GRM7: variants seen among roughly 807,000 people sequenced by gnomAD.
The protein encoded by GRM7 is metabotropic glutamate receptor 7.
In GRM7, 35 loss-of-function variants were observed where a neutral mutation model predicts 84.5. The ratio of observed to expected loss-of-function variants is 0.41; its 90% CI spans 0.32 to 0.55. GRM7 has a LOEUF of 0.55. Ranked by LOEUF, GRM7 falls within the 20% of genes least tolerant of loss-of-function variation. The pLI is 0.19. For synonymous variants in GRM7, 487 were observed against 455.1 expected (o/e 1.07, Z -0.89); for missense variants, 1,003 against 1,194.6 (o/e 0.84, Z 2.36).
chr3:6,885,358 G>A (rs1695651216), intron 1 of GRM7, among the ~76,000 whole-genome samples: 1 of 152,320 alleles, frequency 6.6e-6, no homozygotes, highest in Non-Finnish European at 1.5e-5. Flanking sequence ...AAATTAAGGG[G>A]CAACTTATGC....
chr3:7,279,788 T>C (rs1255125673), intron 2 of GRM7, among the ~76,000 whole-genome samples: 1 of 152,204 alleles, frequency 6.6e-6, no homozygotes, highest in Admixed American at 6.5e-5. Context: ...GTGGGCATGG[T>C]CTGTGTTTAT....
intron 7 of GRM7, among the ~76,000 whole-genome samples, chr3:7,478,505 C>T (rs914158829): frequency 3.3e-5 from 5 of 152,184 alleles, no homozygotes; most frequent in Non-Finnish European, 7.3e-5. Context: ...TTTGCTAGTC[C>T]TCTTTCTTTT....
At chr3:7,651,410 G>A (rs1032653319) in intron 8 of GRM7, among the ~76,000 whole-genome samples, 2 of 152,212 alleles carry the variant, frequency 1.3e-5, no homozygotes, top group Admixed American at 1.3e-4. Flanking sequence ...GCAGAGATGT[G>A]AGAATAAGAT....
intron 1 of GRM7, among the ~76,000 whole-genome samples, chr3:7,097,811 C>T (rs774847797): frequency 8.6e-5 from 13 of 152,044 alleles, no homozygotes; most frequent in Non-Finnish European, 1.5e-4. Flanking sequence ...ATTTGACATT[C>T]GAAGCCATGC....
chr3:7,680,314 C>A lies in GRM7; in HGVS notation c.2698+19C>A. ...CCAAACAGTAAGTAACTCTCCGTTT[C>A]TTTCATCTTCCCACCCTGCATCAGG... On this transcript the variant is annotated intron_variant, in intron 9 of 9. Transcript: ENST00000357716. 6.2e-7 allele frequency: 1 copy of A among 1,612,384 alleles called. No individual in the cohort carries two copies. The highest frequency in any genetic ancestry group is 1.1e-5 in the South Asian group (1 of 90,992).
intron 2 of GRM7, among the ~76,000 whole-genome samples, chr3:7,201,783 A>G (rs1479717413): frequency 2.6e-5 from 4 of 152,210 alleles, no homozygotes; most frequent in African/African-American, 4.8e-5. Flanking sequence ...GTCTGATTTG[A>G]TAAACAGTTG....
chr3:7,668,931 A>C (rs1479847746), intron 8 of GRM7, among the ~76,000 whole-genome samples: 1 of 152,242 alleles, frequency 6.6e-6, no homozygotes, highest in Non-Finnish European at 1.5e-5. Flanking sequence ...TCAATCCCTG[A>C]TTCCCACAGT....
intron 2 of GRM7, among the ~76,000 whole-genome samples, chr3:7,288,762 TG>T (rs1699518192): frequency 6.6e-6 from 1 of 152,178 alleles, no homozygotes; most frequent in African/African-American, 2.4e-5. Flanking sequence ...TTAAAACTAC[TG>T]TGGTATAGTA....
intron 2 of GRM7, among the ~76,000 whole-genome samples, chr3:7,272,234 T>C (rs1277152655): frequency 6.6e-6 from 1 of 152,148 alleles, no homozygotes; most frequent in Non-Finnish European, 1.5e-5. Flanking sequence ...ATACTATCTC[T>C]TTTGGGCTCT....
chr3:7,077,720 A>G (rs979910251), intron 1 of GRM7, among the ~76,000 whole-genome samples: 1 of 152,116 alleles, frequency 6.6e-6, no homozygotes, highest in African/African-American at 2.4e-5. Flanking sequence ...TTAAAGTATA[A>G]TAATAAAAAA....
At chr3:7,175,281 C>G (rs1695108296) in intron 2 of GRM7, among the ~76,000 whole-genome samples, 1 of 152,222 alleles carries the variant, frequency 6.6e-6, no homozygotes, top group Non-Finnish European at 1.5e-5. Context: ...TAGTCTCCAT[C>G]CATCAACTGA....
rs193149002 is a variant in GRM7 at position 7,537,943 on chromosome 3, G to A, written c.1516-40479G>A. ...CAGCTGAGTTATGTTTTGTTTCCCCGCTCCCCACCAGAATAGTCTGGGCAA... is the reference window on the plus strand; with the variant it reads ...CAGCTGAGTTATGTTTTGTTTCCCCACTCCCCACCAGAATAGTCTGGGCAA... On this transcript the variant is annotated intron_variant, in intron 7 of 9. Transcript: ENST00000357716. 1.7e-3 allele frequency among the ~76,000 whole-genome samples: 256 copies of A among 152,156 alleles called. 1 individual carries two copies. The highest frequency in any genetic ancestry group is 2.5e-3 in the Non-Finnish European group (168 of 67,998).
intron 6 of GRM7, 69 bp from the exon 7 acceptor site, chr3:7,461,514 C>T: frequency 1.5e-6 from 2 of 1,292,128 alleles, no homozygotes; most frequent in Non-Finnish European, 1.1e-6. Context: ...TAGCCTGTCA[C>T]CCATAGTACA....
At chr3:7,620,590 G>A (rs554425986) in intron 8 of GRM7, among the ~76,000 whole-genome samples, 1 of 152,038 alleles carries the variant, frequency 6.6e-6, no homozygotes, top group African/African-American at 2.4e-5. Flanking sequence ...TGCGGCACTT[G>A]GGCACAGAAC....
chr3:7,476,688 T>G (rs557941151), intron 7 of GRM7, among the ~76,000 whole-genome samples: 42 of 152,314 alleles, frequency 2.8e-4, no homozygotes, highest in Middle Eastern at 3.4e-3. Context: ...TGTCAAAACT[T>G]CACACCAGTT....
chr3:7,468,619 C>T (rs1462438386), intron 7 of GRM7, among the ~76,000 whole-genome samples: 1 of 152,156 alleles, frequency 6.6e-6, no homozygotes, highest in Non-Finnish European at 1.5e-5. Context: ...GCCTGTGCCC[C>T]CACCCAAATC....
intron 6 of GRM7, among the ~76,000 whole-genome samples, chr3:7,460,536 T>C (rs148862307): frequency 2.6e-5 from 4 of 152,308 alleles, no homozygotes; most frequent in African/African-American, 9.6e-5. Context: ...AGTTTGTAAA[T>C]GGCATGAAAT....
chr3:7,042,063 G>T (rs556042153), intron 1 of GRM7, among the ~76,000 whole-genome samples: 2 of 152,046 alleles, frequency 1.3e-5, no homozygotes, highest in Non-Finnish European at 2.9e-5. Context: ...CCCATACCTC[G>T]CCCTATGCAT....
chr3:7,211,652 C>CAAAAAAAAAAAAAA (rs370634134), intron 2 of GRM7, among the ~76,000 whole-genome samples: 4 of 122,656 alleles, frequency 3.3e-5, no homozygotes, highest in African/African-American at 1.3e-4. Context: ...TTCTCCCAAC[C>CAAAAAAAAAAAAAA]AAAAAAAAAA....
Sources: allele counts gnomAD v4.1 joint callset (sites outside exome capture counted in the v4.1 genomes callset), GRCh38; gene constraint gnomAD v4.1.1; transcripts MANE v1.5; gene names NCBI Gene and HGNC (gene_info 2026-07-23, HGNC 2026-07-21).